Variants in CSMD1 observed in about 807,000 individuals in gnomAD.
The protein encoded by CSMD1 is CUB and sushi domain-containing protein 1.
In CSMD1, 213 loss-of-function variants were observed where a neutral mutation model predicts 417.5. The ratio of observed to expected loss-of-function variants is 0.51; its 90% confidence interval spans 0.46 to 0.57. The LOEUF (loss-of-function observed/expected upper bound fraction) is 0.57. Ranked by LOEUF, CSMD1 falls within the 20% of genes least tolerant of loss-of-function variation. CSMD1 has a pLI of 0.00. For synonymous variants in CSMD1, 2,862 were observed against 1,736.8 expected, an observed-to-expected ratio of 1.65 and a Z score of -16.11; for missense variants, 6,923 against 4,529.7, an observed-to-expected ratio of 1.53 and a Z score of -15.17.
intron 2 of CSMD1, among the ~76,000 whole-genome samples, chr8:4,440,360 T>A (rs971441485): frequency 6.6e-6 from 1 of 152,208 alleles, no homozygotes; most frequent in Non-Finnish European, 1.5e-5. Flanking sequence ...TACATATTTA[T>A]GCAATTATAC....
chr8:3,781,797 T>C (rs1209342062), intron 5 of CSMD1, among the ~76,000 whole-genome samples: 1 of 152,184 alleles, frequency 6.6e-6, no homozygotes, highest in Non-Finnish European at 1.5e-5. Flanking sequence ...TGTTTCCTTT[T>C]AAAAAAGTTA....
In CSMD1 at chr8:4,722,946, C is replaced by T. The variant is rs77001048; in HGVS notation, c.86-85388G>A. Among the ~76,000 whole-genome samples the T allele has an allele frequency of 7.4e-3, 1,131 of 152,230 alleles. 6 individuals are homozygous for T. The highest frequency in any genetic ancestry group is 0.012 in the Non-Finnish European group (827 of 67,988). The stretch of plus-strand genomic sequence containing the variant: ...CAGCTGATCTTTTCAGATCTAAGCT[C>T]GGTGGGGTTTCAGCTTAGAGTGCTA... On this transcript the variant is annotated intron_variant, in intron 1 of 69. Transcript: ENST00000635120.
chr8:4,017,199 TA>T (rs746347571), intron 4 of CSMD1, among the ~76,000 whole-genome samples: 10 of 152,256 alleles, frequency 6.6e-5, no homozygotes, highest in Non-Finnish European at 1.5e-4. Context: ...TATCTTTTTT[TA>T]AAGTTTTTTC....
chr8:4,688,231 C>T (rs75838684), intron 1 of CSMD1, among the ~76,000 whole-genome samples: 5 of 152,158 alleles, frequency 3.3e-5, no homozygotes, highest in East Asian at 1.9e-4. Context: ...TTATATCTTA[C>T]GTCTTAGCTT....
chr8:3,989,317 C>A (rs894308686), intron 5 of CSMD1, among the ~76,000 whole-genome samples: 1 of 152,190 alleles, frequency 6.6e-6, no homozygotes, highest in Non-Finnish European at 1.5e-5. Context: ...CTCACTCAAA[C>A]CGAGGTCTGA....
chr8:3,335,199 A>G (rs1479881367), intron 23 of CSMD1, among the ~76,000 whole-genome samples: 1 of 152,054 alleles, frequency 6.6e-6, no homozygotes, highest in Non-Finnish European at 1.5e-5. Context: ...GTATTGGTGA[A>G]CCAGCCTCTA....
intron 3 of CSMD1, among the ~76,000 whole-genome samples, chr8:4,093,512 G>T (rs901858106): frequency 6.6e-6 from 1 of 152,080 alleles, no homozygotes; most frequent in Non-Finnish European, 1.5e-5. Flanking sequence ...ATGATTCAAA[G>T]GAATATAGTG....
chr8:4,243,524 G>C (rs1204835765), intron 3 of CSMD1, among the ~76,000 whole-genome samples: 2 of 152,020 alleles, frequency 1.3e-5, no homozygotes, highest in Non-Finnish European at 2.9e-5. Context: ...GCTTATCTTT[G>C]TAACCAGAGA....
At chr8:3,472,978 C>T (rs181242593) in intron 11 of CSMD1, among the ~76,000 whole-genome samples, 2 of 152,114 alleles carry the variant, frequency 1.3e-5, no homozygotes, top group Admixed American at 6.6e-5. Context: ...CTGATTATCT[C>T]ACACCCACCC....
intron 3 of CSMD1, among the ~76,000 whole-genome samples, chr8:4,118,943 G>C (rs529956010): frequency 4.6e-5 from 7 of 152,134 alleles, no homozygotes; most frequent in Non-Finnish European, 7.3e-5. Flanking sequence ...CCTTTGGGGG[G>C]ACATGGGTGA....
At chr8:4,444,190 A>G (rs1798646315) in intron 2 of CSMD1, among the ~76,000 whole-genome samples, 1 of 151,734 alleles carries the variant, frequency 6.6e-6, no homozygotes, top group Non-Finnish European at 1.5e-5. Context: ...AAAAATATAA[A>G]AACTAGCCAG....
chr8:4,098,768 T>C (rs924920391), intron 3 of CSMD1, among the ~76,000 whole-genome samples: 2 of 152,210 alleles, frequency 1.3e-5, no homozygotes, highest in East Asian at 3.9e-4. Flanking sequence ...CAGACAGGGA[T>C]AGAATTGCAG....
At chr8:4,019,576 C>A (rs750323716) in intron 4 of CSMD1, among the ~76,000 whole-genome samples, 1 of 152,170 alleles carries the variant, frequency 6.6e-6, no homozygotes, top group African/African-American at 2.4e-5. Flanking sequence ...CTGTGTTTTA[C>A]GGTCTGCTCT....
chr8:4,660,114 C>CA (rs33982434), intron 1 of CSMD1, among the ~76,000 whole-genome samples: 68,264 of 122,476 alleles, frequency 0.56, 17,223 homozygotes, highest in East Asian at 0.61. Context: ...TCAACCAGTG[C>CA]AAAAAAAAAA....
intron 2 of CSMD1, among the ~76,000 whole-genome samples, chr8:4,619,439 T>C (rs1801649828): frequency 6.6e-6 from 1 of 152,174 alleles, no homozygotes. Flanking sequence ...GCGGTCGTCG[T>C]TGTGACAGTA....
At chr8:4,082,852 G>C (rs935257458) in intron 3 of CSMD1, among the ~76,000 whole-genome samples, 2 of 145,500 alleles carry the variant, frequency 1.4e-5, no homozygotes, top group Admixed American at 1.4e-4. Context: ...CCTATGAGTG[G>C]GAACATGCGG....
chr8:4,728,942 C>A (rs551563819), intron 1 of CSMD1, among the ~76,000 whole-genome samples: 3 of 152,114 alleles, frequency 2.0e-5, no homozygotes, highest in African/African-American at 7.2e-5. Context: ...ACCTGCCAGA[C>A]GTCCATGTGG....
chr8:4,711,337 G>A (rs200584516), intron 1 of CSMD1, among the ~76,000 whole-genome samples: 1 of 152,026 alleles, frequency 6.6e-6, no homozygotes, highest in Non-Finnish European at 1.5e-5. Flanking sequence ...CCTTTGTTTT[G>A]ACTATTTATT....
chr8:4,235,354 T>G (rs1801981471), intron 3 of CSMD1, among the ~76,000 whole-genome samples: 1 of 120,628 alleles, frequency 8.3e-6, no homozygotes, highest in Non-Finnish European at 2.1e-5. Flanking sequence ...TCAAAAGACG[T>G]GTTTTGTTTT....
Sources: gnomAD v4.1 joint callset for allele counts (sites outside exome capture counted in the v4.1 genomes callset) on GRCh38, gnomAD v4.1.1 for gene constraint, MANE v1.5 for transcripts, NCBI Gene and HGNC (gene_info 2026-07-23, HGNC 2026-07-21) for gene names.